Variants in OPHN1 observed in about 807,000 individuals in gnomAD.
The protein encoded by OPHN1 is oligophrenin 1, also known as oligophrenin-1.
OPHN1 carries 11 observed loss-of-function variants against 60.7 expected under a neutral mutation model. The observed-to-expected ratio is 0.18, with a 90% CI of 0.11 to 0.30. The LOEUF is 0.30. OPHN1 is among the 10% of genes least tolerant of loss of function. OPHN1 has a pLI of 1.00. For missense variants in OPHN1, 449 were observed against 611.0 expected, an observed-to-expected ratio of 0.73 and a Z score of 2.80; for synonymous variants, 226 against 222.6, an observed-to-expected ratio of 1.02 and a Z score of -0.14.
chrX:68,177,116 C>T (rs1222240275), intron 15 of OPHN1, among the ~76,000 whole-genome samples: 1 of 109,686 alleles, frequency 9.1e-6, no homozygotes, highest in African/African-American at 3.3e-5. Context: ...AAGCCAGTCA[C>T]GCAAAGACAA....
At chrX:68,299,449 T>G (rs1219472750) in intron 2 of OPHN1, among the ~76,000 whole-genome samples, 1 of 111,677 alleles carries the variant, frequency 9.0e-6, no homozygotes, top group African/African-American at 3.3e-5. Flanking sequence ...AAACCCCTAT[T>G]ATGGGCAATA....
intron 16 of OPHN1, among the ~76,000 whole-genome samples, chrX:68,118,976 A>C (rs2077138933): frequency 8.9e-6 from 1 of 112,088 alleles, no homozygotes; most frequent in Non-Finnish European, 1.9e-5. Context: ...GAAGAGCAAA[A>C]CGTATTCAAT....
chrX:68,405,877 C>T lies in OPHN1; in HGVS notation c.154+26990G>A, dbSNP rs189627170. On this transcript the variant is annotated intron_variant, in intron 2 of 24. Coordinates refer to ENST00000355520, the MANE Select transcript of OPHN1 (RefSeq NM_002547.3). ...AGGGCAATGAGGCTGGGCGTAGTGGCGCACACCTATAATCTCAACACTTAG... is the reference window on the plus strand; with the variant it reads ...AGGGCAATGAGGCTGGGCGTAGTGGTGCACACCTATAATCTCAACACTTAG... Among the ~76,000 whole-genome samples the T allele has an allele frequency of 2.8e-3, 313 of 111,395 alleles. 3 individuals are homozygous for T. Among genetic ancestry groups the T allele is most frequent in the African/African-American group, 9.4e-3 (289 of 30,688 alleles).
At chrX:68,181,975 G>T (rs1471969542) in intron 15 of OPHN1, among the ~76,000 whole-genome samples, 1 of 111,737 alleles carries the variant, frequency 8.9e-6, no homozygotes, top group Non-Finnish European at 1.9e-5. Flanking sequence ...GATGGCCAAA[G>T]CCATTAAAGC....
In OPHN1 at chrX:68,374,336, C is replaced by G. The variant is rs1426655879; in HGVS notation, c.154+58531G>C. Among the ~76,000 whole-genome samples, 12 of 95,717 alleles carry G rather than the reference C, an allele frequency of 1.3e-4. No homozygotes were observed. The East Asian group carries it at 3.5e-3, about 28-fold the overall frequency. The allele number at this position is 95,717 out of a possible 115,157, so 83.1% of individuals were successfully genotyped here. A position where few individuals can be genotyped will look rare whatever the true frequency, so the allele number is the denominator to read the frequency against. ...ACGCCACTGCACTCCAGGCTGGCAA[C>G]AGAGTGAGACTCCATCTCAAAAAAA... On this transcript the variant is annotated intron_variant, in intron 2 of 24. Coordinates refer to ENST00000355520, the MANE Select transcript of OPHN1 (RefSeq NM_002547.3).
At chrX:68,261,546 C>A (rs1437384892) in intron 5 of OPHN1, among the ~76,000 whole-genome samples, 1 of 111,141 alleles carries the variant, frequency 9.0e-6, no homozygotes, top group East Asian at 2.8e-4. Flanking sequence ...TTCTGCAAAT[C>A]AAGTGATAAA....
intron 2 of OPHN1, among the ~76,000 whole-genome samples, chrX:68,422,770 G>GAAGAAAGA (rs60661434): frequency 1.5e-5 from 1 of 68,061 alleles, no homozygotes; most frequent in Non-Finnish European, 2.6e-5. Flanking sequence ...AAGGGAAAGG[G>GAAGAAAGA]AAGAAAGAAA....
intron 15 of OPHN1, among the ~76,000 whole-genome samples, chrX:68,188,694 T>G (rs2147449307): frequency 8.9e-6 from 1 of 112,046 alleles, no homozygotes; most frequent in African/African-American, 3.2e-5. Context: ...ATTTTTGTTT[T>G]ATTTGCTAGG....
At chrX:68,193,285 T>G (rs758444595) in intron 14 of OPHN1, among the ~76,000 whole-genome samples, 1 of 112,147 alleles carries the variant, frequency 8.9e-6, no homozygotes, top group East Asian at 2.8e-4. Context: ...TGCTGCCATC[T>G]TAGAAAGAAG....
chrX:68,131,287 C>A (rs1326530498), intron 15 of OPHN1, among the ~76,000 whole-genome samples: 1 of 109,164 alleles, frequency 9.2e-6, no homozygotes, highest in African/African-American at 3.4e-5. Flanking sequence ...GGTGCAATCT[C>A]GGCTCACTGC....
chrX:68,376,405 G>C lies in OPHN1; in HGVS notation c.154+56462C>G, dbSNP rs756434111. ...CAGGCAGATGGAAGTAGGTGTAAAGGAATGAATTGGGGATTGGGGGAGCAT... is the reference window on the plus strand; with the variant it reads ...CAGGCAGATGGAAGTAGGTGTAAAGCAATGAATTGGGGATTGGGGGAGCAT... On this transcript the variant is annotated intron_variant, in intron 2 of 24. Transcript: ENST00000355520. Among the ~76,000 whole-genome samples the C allele has an allele frequency of 3.3e-4, 37 of 111,596 alleles. No individual in the cohort carries two copies. In the South Asian group the frequency reaches 4.9e-3, roughly 15 times the overall value.
intron 2 of OPHN1, among the ~76,000 whole-genome samples, chrX:68,331,730 C>CA (rs1158512927): frequency 0.012 from 483 of 39,237 alleles, 6 homozygotes; most frequent in East Asian, 0.085. Context: ...GACTCTGTAT[C>CA]AAAAAAAAAA....
At chrX:68,331,950 C>G (rs1031210297) in intron 2 of OPHN1, among the ~76,000 whole-genome samples, 1 of 110,183 alleles carries the variant, frequency 9.1e-6, no homozygotes, top group African/African-American at 3.3e-5. Flanking sequence ...GCAGGAGAAT[C>G]ACTTGAACCT....
chrX:68,225,032 G>A (rs770165027), intron 6 of OPHN1, among the ~76,000 whole-genome samples: 5 of 112,316 alleles, frequency 4.5e-5, no homozygotes, highest in East Asian at 2.8e-4. Flanking sequence ...CTAATACTGC[G>A]CTTTTCCAAC....
chrX:68,325,262 C>T (rs753908789), intron 2 of OPHN1, among the ~76,000 whole-genome samples: 1 of 109,109 alleles, frequency 9.2e-6, no homozygotes, highest in African/African-American at 3.3e-5. Context: ...TAAGAAAGTA[C>T]TGGAAAACAA....
chrX:68,131,220 T>G (rs2077193228), intron 15 of OPHN1, among the ~76,000 whole-genome samples: 1 of 108,151 alleles, frequency 9.2e-6, no homozygotes, highest in Non-Finnish European at 1.9e-5. Context: ...ATTTATTTAT[T>G]TATTTATTTA....
intron 2 of OPHN1, among the ~76,000 whole-genome samples, chrX:68,360,147 A>G (rs970876543): frequency 7.2e-5 from 8 of 110,377 alleles, no homozygotes; most frequent in African/African-American, 2.6e-4. Context: ...AATCAGCTCA[A>G]CTCTTAAAAT....
chrX:68,357,816 A>C (rs1308979299), intron 2 of OPHN1, among the ~76,000 whole-genome samples: 1 of 110,994 alleles, frequency 9.0e-6, no homozygotes. Context: ...TAGATCCCTG[A>C]GGAATCGCCA....
At chrX:68,383,054 G>A (rs1464665426) in intron 2 of OPHN1, among the ~76,000 whole-genome samples, 2 of 111,245 alleles carry the variant, frequency 1.8e-5, no homozygotes, top group East Asian at 5.6e-4. Flanking sequence ...CAAGTTCAGT[G>A]GCTCAGGCTT....
Sources: gnomAD v4.1 joint callset for allele counts (sites outside exome capture counted in the v4.1 genomes callset) on GRCh38, gnomAD v4.1.1 for gene constraint, MANE v1.5 for transcripts, NCBI Gene and HGNC (gene_info 2026-07-23, HGNC 2026-07-21) for gene names.